Variants in ALK observed in about 807,000 individuals in gnomAD.
ALK encodes ALK tyrosine kinase receptor.
In ALK, 74 loss-of-function variants were observed where a neutral mutation model predicts 163.1. The observed-to-expected ratio is 0.45, with a 90% confidence interval of 0.38 to 0.55. The LOEUF (loss-of-function observed/expected upper bound fraction) is 0.55. Ranked by LOEUF, ALK falls within the 20% of genes least tolerant of loss-of-function variation. The pLI is 0.00. For synonymous variants in ALK, 960 were observed against 843.2 expected (o/e 1.14, Z -2.40); for missense variants, 2,063 against 2,105.3 (o/e 0.98, Z 0.39).
At chr2:29,829,357 GTTTAACCATATTCTTTGT>G (rs1665299773) in intron 1 of ALK, among the ~76,000 whole-genome samples, 3 of 151,836 alleles carry the variant, frequency 2.0e-5, no homozygotes, top group South Asian at 2.1e-4. Flanking sequence ...AACTGATGCA[GTTTAACCATATTCTTTGT>G]GCCTTCTAGG....
At chr2:29,556,513 C>A (rs1465434913) in intron 3 of ALK, among the ~76,000 whole-genome samples, 2 of 152,294 alleles carry the variant, frequency 1.3e-5, no homozygotes, top group South Asian at 4.1e-4. Flanking sequence ...TAGCAAGAAT[C>A]AATTCTCAAG....
chr2:29,677,528 T>C (rs1677920883), intron 3 of ALK, among the ~76,000 whole-genome samples: 1 of 152,022 alleles, frequency 6.6e-6, no homozygotes, highest in African/African-American at 2.4e-5. Context: ...TTTCTGTGTT[T>C]ATTGAGATAG....
chr2:29,463,527 A>G (rs1459747787), intron 4 of ALK, among the ~76,000 whole-genome samples: 1 of 152,232 alleles, frequency 6.6e-6, no homozygotes. Context: ...GGTTTCAGCC[A>G]CTGAACAACA....
At chr2:29,623,732 G>A (rs1248614132) in intron 3 of ALK, among the ~76,000 whole-genome samples, 1 of 152,130 alleles carries the variant, frequency 6.6e-6, no homozygotes, top group Non-Finnish European at 1.5e-5. Context: ...ACAACCAAAT[G>A]CTATCGCTTT....
chr2:29,585,777 G>A (rs1290209864), intron 3 of ALK, among the ~76,000 whole-genome samples: 2 of 151,654 alleles, frequency 1.3e-5, no homozygotes, highest in African/African-American at 4.8e-5. Flanking sequence ...CATCTTCTCA[G>A]GGTTTTGCTT....
intron 1 of ALK, among the ~76,000 whole-genome samples, chr2:29,877,743 C>G (rs1666760235): frequency 6.6e-6 from 1 of 152,230 alleles, no homozygotes; most frequent in Non-Finnish European, 1.5e-5. Context: ...TGGCTCTGCT[C>G]TGCCTACCTG....
At chr2:29,415,660 A>G (rs1384719560) in intron 4 of ALK, among the ~76,000 whole-genome samples, 2 of 152,328 alleles carry the variant, frequency 1.3e-5, no homozygotes, top group East Asian at 3.9e-4. Context: ...GATGGCTGGT[A>G]TAAATATTAT....
At chr2:29,381,079 G>C (rs1474168434) in intron 5 of ALK, among the ~76,000 whole-genome samples, 3 of 152,234 alleles carry the variant, frequency 2.0e-5, no homozygotes, top group Non-Finnish European at 4.4e-5. Flanking sequence ...GCAGAGGCTA[G>C]TGGACAGAAA....
chr2:29,625,652 A>C (rs1676171760), intron 3 of ALK, among the ~76,000 whole-genome samples: 1 of 152,248 alleles, frequency 6.6e-6, no homozygotes, highest in African/African-American at 2.4e-5. Context: ...GTTCTTATAC[A>C]AGCCTAGGCG....
rs150083664 is a variant in ALK at position 29,267,081 on chromosome 2, A to ACT, written c.2041+8016_2041+8017dup. ...ATTATAATTTCTGTATTACTAGAAG[A>ACT]CTCTCTCTCTCTCTCTCTCCCCACC... On this transcript the variant is annotated intron_variant, in intron 11 of 28. Transcript: ENST00000389048. Among the ~76,000 whole-genome samples the ACT allele has an allele frequency of 5.8e-3, 863 of 147,768 alleles. 15 individuals are homozygous for ACT. The highest frequency in any genetic ancestry group is 0.02 in the African/African-American group (806 of 40,286).
At chr2:29,255,540 C>T (rs1664929034) in intron 11 of ALK, among the ~76,000 whole-genome samples, 1 of 152,122 alleles carries the variant, frequency 6.6e-6, no homozygotes, top group Non-Finnish European at 1.5e-5. Context: ...GGTGGAGAAA[C>T]AGCATTTTAG....
rs1665365897 is a variant in ALK, at chr2:29,830,956, AAG to A, written c.667+89035_667+89036del. ...AAGAAGAAGAAGAAAAGAAGAAGAA[AAG>A]AAGAAGAAGAAGAAGAAGAAGAAGA... On this transcript the variant is annotated intron_variant, in intron 1 of 28. Transcript: ENST00000389048. Among the ~76,000 whole-genome samples, 3 of 5,704 alleles carry A rather than the reference AAG, an allele frequency of 5.3e-4. 1 individual carries two copies. The highest frequency in any genetic ancestry group is 1.5e-3 in the African/African-American group (3 of 1,960). The allele number at this position is 5,704 out of a possible 152,430, so 3.7% of individuals were successfully genotyped here.
At chr2:29,317,643 A>C (rs2148247233) in intron 8 of ALK, among the ~76,000 whole-genome samples, 1 of 152,354 alleles carries the variant, frequency 6.6e-6, no homozygotes, top group South Asian at 2.1e-4. Context: ...CCAAGAGGTT[A>C]ATTAACTGCC....
intron 1 of ALK, among the ~76,000 whole-genome samples, chr2:29,900,435 G>T (rs1418574474): frequency 6.6e-6 from 1 of 152,234 alleles, no homozygotes; most frequent in Non-Finnish European, 1.5e-5. Context: ...CAGGGTCGCT[G>T]CCTCCTCTTC....
intron 1 of ALK, among the ~76,000 whole-genome samples, chr2:29,813,993 T>G (rs1229571329): frequency 1.3e-5 from 2 of 152,178 alleles, no homozygotes; most frequent in Non-Finnish European, 2.9e-5. Context: ...TCTTTAAACC[T>G]CTCTTCCAAA....
chr2:29,203,078 C>A (rs994970349), intron 26 of ALK, among the ~76,000 whole-genome samples: 6 of 152,174 alleles, frequency 3.9e-5, no homozygotes, highest in African/African-American at 1.4e-4. Flanking sequence ...CAGAGTCCCA[C>A]CCCTAGAGTT....
chr2:29,200,569 C>T (rs1440416719), intron 26 of ALK, among the ~76,000 whole-genome samples: 1 of 151,518 alleles, frequency 6.6e-6, no homozygotes, highest in Non-Finnish European at 1.5e-5. Flanking sequence ...ATTTCACTGA[C>T]CATTTTGTAT....
intron 1 of ALK, among the ~76,000 whole-genome samples, chr2:29,798,260 A>G (rs576909571): frequency 2.2e-4 from 34 of 152,322 alleles, no homozygotes; most frequent in African/African-American, 7.7e-4. Flanking sequence ...TGGATGCTTT[A>G]TTATTAAATT....
rs534272101 is a variant in ALK, at chr2:29,224,111, A to G, written c.3173-583T>C. ...TTTCTGCTGTGCTCAGCCATTGGGT[A>G]GGGCAGCTTCAGTGCAATCACAGCA... is the stretch of plus-strand genomic sequence containing the variant. On this transcript the variant is annotated intron_variant, in intron 19 of 28. Transcript: ENST00000389048. 2.0e-5 allele frequency among the ~76,000 whole-genome samples: 3 copies of G among 152,332 alleles called. No homozygotes were observed. In the South Asian group the frequency reaches 6.2e-4, roughly 32 times the overall value.
Sources: gnomAD v4.1 joint callset for allele counts (sites outside exome capture counted in the v4.1 genomes callset) on GRCh38, gnomAD v4.1.1 for gene constraint, MANE v1.5 for transcripts, NCBI Gene and HGNC (gene_info 2026-07-23, HGNC 2026-07-21) for gene names.